Variants in SDK1 observed in about 807,000 individuals in gnomAD.
SDK1 encodes sidekick cell adhesion molecule 1.
In SDK1, 157 loss-of-function variants were observed where a neutral mutation model predicts 245.5. The ratio of observed to expected loss-of-function variants is 0.64; its 90% CI spans 0.56 to 0.73. The LOEUF (loss-of-function observed/expected upper bound fraction) is 0.73. SDK1 is among the 30% of genes least tolerant of loss of function. The pLI, the probability that SDK1 is intolerant of heterozygous loss-of-function variation, is 0.00. For synonymous variants in SDK1, 1,647 were observed against 1,278.5 expected, an observed-to-expected ratio of 1.29 and a Z score of -6.15; for missense variants, 3,583 against 3,002.3, an observed-to-expected ratio of 1.19 and a Z score of -4.52.
At chr7:3,464,802 G>C (rs1447488164) in intron 1 of SDK1, among the ~76,000 whole-genome samples, 1 of 151,664 alleles carries the variant, frequency 6.6e-6, no homozygotes, top group East Asian at 1.9e-4. Flanking sequence ...ACACACTAAT[G>C]TCGGGACAGT....
At chr7:3,432,014 AGAGT>A (rs1779861599) in intron 1 of SDK1, among the ~76,000 whole-genome samples, 1 of 151,900 alleles carries the variant, frequency 6.6e-6, no homozygotes, top group African/African-American at 2.4e-5. Flanking sequence ...CCCGTTGAAT[AGAGT>A]GAGACTAACA....
At chr7:3,905,005 A>T (rs1554279227) in intron 5 of SDK1, among the ~76,000 whole-genome samples, 1 of 81,154 alleles carries the variant, frequency 1.2e-5, no homozygotes, top group Non-Finnish European at 2.3e-5. Context: ...AAAAAAAAAA[A>T]AAAATAATAA....
rs1200547541 is a variant in SDK1, at chr7:3,446,324, C to A, written c.298+144440C>A. 2.6e-5 allele frequency among the ~76,000 whole-genome samples: 4 copies of A among 152,100 alleles called. No homozygotes were observed. In the East Asian group the frequency reaches 7.7e-4, roughly 29 times the overall value. On this transcript the variant is annotated intron_variant, in intron 1 of 44. Transcript: ENST00000404826. The stretch of plus-strand genomic sequence containing the variant: ...GTACATTAACTTAGCTAAGGTCACA[C>A]AATTTAGAAATGTTTGAGTTAAGGT...
intron 32 of SDK1, among the ~76,000 whole-genome samples, chr7:4,166,358 C>T (rs924115356): frequency 6.6e-6 from 1 of 152,244 alleles, no homozygotes; most frequent in Non-Finnish European, 1.5e-5. Context: ...GAAGAGCTTT[C>T]ATTAAGCGCA....
intron 22 of SDK1, among the ~76,000 whole-genome samples, chr7:4,109,477 C>A (rs73046423): frequency 6.6e-6 from 1 of 152,182 alleles, no homozygotes. Context: ...AAGCCACTTA[C>A]GAAGTGTTAA....
chr7:3,361,023 C>T lies in SDK1; in HGVS notation c.298+59139C>T, dbSNP rs117564951. ...ATGGTGTGTTGGGAGTTACATCCAT[C>T]ATCTTTCCCCTTTGGTTGAAATTTA... On this transcript the variant is annotated intron_variant, in intron 1 of 44. Transcript: ENST00000404826. Among the ~76,000 whole-genome samples the T allele has an allele frequency of 6.7e-3, 1,024 of 152,272 alleles. 11 individuals carry two copies. Among genetic ancestry groups the T allele is most frequent in the South Asian group, 0.017 (83 of 4,824 alleles).
rs182566853 is a variant in SDK1, at chr7:3,574,960, G to A, written c.299-44120G>A. ...GCCTCTTGGTAGCTGTGAAGTACGG[G>A]TAGTCATGTCTGGAGTTACCCTTTC... On this transcript the variant is annotated intron_variant, in intron 1 of 44. Coordinates refer to ENST00000404826, the MANE Select transcript of SDK1 (RefSeq NM_152744.4). Among the ~76,000 whole-genome samples the A allele has an allele frequency of 5.3e-5, 8 of 152,136 alleles. No individual in the cohort carries two copies. In the East Asian group the frequency reaches 1.5e-3, roughly 29 times the overall value.
chr7:4,143,545 C>CA (rs1398662616), intron 28 of SDK1, among the ~76,000 whole-genome samples: 3 of 152,182 alleles, frequency 2.0e-5, no homozygotes, highest in Non-Finnish European at 4.4e-5. Flanking sequence ...CATCCACGGT[C>CA]ACACAGTGAA....
At chr7:3,814,654 T>G (rs965452764) in intron 4 of SDK1, among the ~76,000 whole-genome samples, 21 of 152,034 alleles carry the variant, frequency 1.4e-4, no homozygotes, top group Non-Finnish European at 2.6e-4. Context: ...GTGAAGAAAG[T>G]CATTGGTAGC....
intron 1 of SDK1, among the ~76,000 whole-genome samples, chr7:3,504,277 TG>T (rs560342897): frequency 1.1e-3 from 163 of 151,344 alleles, no homozygotes; most frequent in African/African-American, 3.8e-3. Context: ...TTGTTGTTGT[TG>T]TTGTTGTTGT....
At chr7:3,342,146 A>G (rs569046248) in intron 1 of SDK1, among the ~76,000 whole-genome samples, 1 of 152,234 alleles carries the variant, frequency 6.6e-6, no homozygotes, top group Non-Finnish European at 1.5e-5. Context: ...TCACTGATAG[A>G]TTATTCTTCT....
chr7:3,472,720 A>G (rs1302287268), intron 1 of SDK1, among the ~76,000 whole-genome samples: 1 of 152,220 alleles, frequency 6.6e-6, no homozygotes. Flanking sequence ...AACCTAGATT[A>G]CTGAATTTGC....
At position 3,301,895 on chromosome 7, in the gene SDK1, GC is replaced by G; in HGVS notation, c.298+12del. On this transcript the variant is annotated intron_variant, in intron 1 of 44. Transcript: ENST00000404826. Reference sequence around the variant, plus strand: ...GGGCGCTGGCGCAAGGTAGGTGCGCGCGGGGTCGCGGGCCGGGGGCGTCGCC... The same window carrying G: ...GGGCGCTGGCGCAAGGTAGGTGCGCGGGGGTCGCGGGCCGGGGGCGTCGCC... 1 of 1,133,874 alleles carries G rather than the reference GC, an allele frequency of 8.8e-7. No individual in the cohort carries two copies. The highest frequency in any genetic ancestry group is 1.1e-6 in the Non-Finnish European group (1 of 925,126). The allele number at this position is 1,133,874 out of a possible 1,614,324, so 70.2% of individuals were successfully genotyped here.
intron 1 of SDK1, among the ~76,000 whole-genome samples, chr7:3,568,558 C>G (rs563846755): frequency 1.6e-4 from 24 of 152,266 alleles, no homozygotes; most frequent in South Asian, 8.3e-4. Flanking sequence ...CATTTGTGCT[C>G]TCTTCTGGGA....
chr7:3,769,525 G>C (rs1267200240), intron 4 of SDK1, among the ~76,000 whole-genome samples: 2 of 152,110 alleles, frequency 1.3e-5, no homozygotes, highest in African/African-American at 4.8e-5. Context: ...TTGCCCCTAA[G>C]CTCCCATCTC....
intron 1 of SDK1, among the ~76,000 whole-genome samples, chr7:3,495,552 C>G (rs573486535): frequency 3.3e-5 from 5 of 152,360 alleles, no homozygotes; most frequent in African/African-American, 1.2e-4. Flanking sequence ...AGCCACTGCT[C>G]TGGGCTGGAA....
At position 3,356,206 on chromosome 7, in the gene SDK1, T is replaced by C. The variant is rs73292183; in HGVS notation, c.298+54322T>C. On this transcript the variant is annotated intron_variant, in intron 1 of 44. Transcript: ENST00000404826. The stretch of plus-strand genomic sequence containing the variant: ...TAGTTTTGGAAAATTGAGACAGTGC[T>C]TGCCCTTCTCTAGTCATCCTGTACC... Among the ~76,000 whole-genome samples, 1,255 of 152,312 alleles carry C rather than the reference T, an allele frequency of 8.2e-3. 22 individuals carry two copies. Among genetic ancestry groups the C allele is most frequent in the African/African-American group, 0.028 (1,179 of 41,580 alleles).
chr7:4,268,479 G>A lies in SDK1; in HGVS notation c.*3095G>A. The A allele has an allele frequency of 8.5e-7, 1 of 1,174,656 alleles. No homozygotes were observed. The highest frequency in any genetic ancestry group is 1.1e-6 in the Non-Finnish European group (1 of 932,046). 72.8% of individuals were successfully genotyped at this position (1,174,656 alleles called of 1,614,324 possible). A position where few individuals can be genotyped will look rare whatever the true frequency, so the allele number is the denominator to read the frequency against. On this transcript the variant is annotated 3_prime_UTR_variant, in exon 45 of 45. Transcript: ENST00000404826. Reference sequence around the variant, plus strand: ...AAGGCGCACTTCACTCAATGCTGTAGCCAAAAAACGAGGGGCCCCAGGGAG... The same window carrying A: ...AAGGCGCACTTCACTCAATGCTGTAACCAAAAAACGAGGGGCCCCAGGGAG...
At chr7:3,924,936 T>C (rs1039086299) in intron 5 of SDK1, among the ~76,000 whole-genome samples, 7 of 152,110 alleles carry the variant, frequency 4.6e-5, no homozygotes, top group Non-Finnish European at 8.8e-5. Flanking sequence ...CCACTGTCAT[T>C]TTCCCCCAGC....
Sources: allele counts gnomAD v4.1 joint callset (sites outside exome capture counted in the v4.1 genomes callset), GRCh38; gene constraint gnomAD v4.1.1; transcripts MANE v1.5; gene names NCBI Gene and HGNC (gene_info 2026-07-23, HGNC 2026-07-21).